SLC24A2: variants seen among roughly 807,000 people sequenced by gnomAD.
SLC24A2 encodes the protein solute carrier family 24 member 2.
SLC24A2 carries 36 observed loss-of-function variants against 62.0 expected under a neutral mutation model. That is an observed-to-expected ratio of 0.58 (90% CI 0.44 to 0.77). The LOEUF (loss-of-function observed/expected upper bound fraction) is 0.77. Ranked by LOEUF, SLC24A2 falls within the 30% of genes least tolerant of loss-of-function variation. SLC24A2 has a pLI of 0.00. For synonymous variants in SLC24A2, 358 were observed against 294.0 expected, an observed-to-expected ratio of 1.22 and a Z score of -2.23; for missense variants, 846 against 817.9, an observed-to-expected ratio of 1.03 and a Z score of -0.42.
chr9:19,720,062 G>T (rs1820976832), intron 2 of SLC24A2, among the ~76,000 whole-genome samples: 1 of 152,142 alleles, frequency 6.6e-6, no homozygotes, highest in South Asian at 2.1e-4. Flanking sequence ...CTAGGCTGGA[G>T]GTAAACCGGA....
intron 4 of SLC24A2, among the ~76,000 whole-genome samples, chr9:19,607,603 T>C (rs1429213080): frequency 6.7e-6 from 1 of 149,924 alleles, no homozygotes; most frequent in African/African-American, 2.5e-5. Context: ...CCTGTAATCA[T>C]AGCTACTTGA....
chr9:19,781,680 T>A (rs12003576), intron 2 of SLC24A2, among the ~76,000 whole-genome samples: 8,034 of 152,276 alleles, frequency 0.053, 687 homozygotes, highest in East Asian at 0.41. Context: ...AGAATTTTAA[T>A]GCCTAAGTTT....
intron 5 of SLC24A2, among the ~76,000 whole-genome samples, chr9:19,583,945 A>G (rs1266500772): frequency 6.6e-6 from 1 of 152,106 alleles, no homozygotes; most frequent in African/African-American, 2.4e-5. Flanking sequence ...GCCTAACTCA[A>G]TGTCCAACCT....
chr9:20,142,114 C>T, the SLC24A2 span, among the ~76,000 whole-genome samples: 2 of 151,800 alleles, frequency 1.3e-5, no homozygotes, highest in South Asian at 2.1e-4. Flanking sequence ...TTAAAGAGTT[C>T]GATGATGAAA....
the SLC24A2 span, among the ~76,000 whole-genome samples, chr9:20,132,999 T>C: frequency 6.6e-6 from 1 of 152,134 alleles, no homozygotes; most frequent in Non-Finnish European, 1.5e-5. Context: ...CCCCAGTTAA[T>C]GAACCAAATT....
chr9:20,235,165 C>CA, the SLC24A2 span, among the ~76,000 whole-genome samples: 1 of 152,208 alleles, frequency 6.6e-6, no homozygotes, highest in South Asian at 2.1e-4. Flanking sequence ...TTAGGCTACT[C>CA]GGGGGTCAGG....
chr9:19,529,622 C>T (rs777443593), intron 8 of SLC24A2, among the ~76,000 whole-genome samples: 5 of 152,038 alleles, frequency 3.3e-5, no homozygotes, highest in South Asian at 2.1e-4. Flanking sequence ...TTTCCCTGCT[C>T]CCTTTCTTTC....
chr9:20,243,975 G>T, the SLC24A2 span, among the ~76,000 whole-genome samples: 3 of 152,188 alleles, frequency 2.0e-5, no homozygotes, highest in South Asian at 6.2e-4. Context: ...GGGATCAGGC[G>T]GAGATTTCTA....
At chr9:19,783,656 T>C (rs1207933665) in intron 2 of SLC24A2, among the ~76,000 whole-genome samples, 1 of 152,154 alleles carries the variant, frequency 6.6e-6, no homozygotes, top group Non-Finnish European at 1.5e-5. Context: ...AGGCATATGA[T>C]AAAGGCTGTA....
At chr9:20,013,596 A>G in the SLC24A2 span, among the ~76,000 whole-genome samples, 1 of 152,234 alleles carries the variant, frequency 6.6e-6, no homozygotes, top group African/African-American at 2.4e-5. Context: ...TGCACAGTAA[A>G]GGAAACAATT....
chr9:20,095,126 G>GA, the SLC24A2 span, among the ~76,000 whole-genome samples: 2 of 152,016 alleles, frequency 1.3e-5, no homozygotes, highest in Non-Finnish European at 2.9e-5. Context: ...TTGCAAACTG[G>GA]AAAAAAATCC....
the SLC24A2 span, among the ~76,000 whole-genome samples, chr9:20,243,005 C>T: frequency 1.3e-5 from 2 of 152,220 alleles, no homozygotes; most frequent in African/African-American, 2.4e-5. Context: ...GGTGCCAAGA[C>T]CTTTCTTCAA....
the SLC24A2 span, among the ~76,000 whole-genome samples, chr9:20,255,879 A>G: frequency 6.6e-6 from 1 of 152,262 alleles, no homozygotes; most frequent in Admixed American, 6.5e-5. Flanking sequence ...CCGATTGTTT[A>G]TTGTCTTAGT....
At chr9:20,207,786 G>A in the SLC24A2 span, among the ~76,000 whole-genome samples, 18 of 152,218 alleles carry the variant, frequency 1.2e-4, no homozygotes. Flanking sequence ...AATGGGCACT[G>A]GGGATAACAA....
chr9:19,581,016 A>T (rs1563980502), intron 5 of SLC24A2, among the ~76,000 whole-genome samples: 1 of 152,186 alleles, frequency 6.6e-6, no homozygotes, highest in East Asian at 1.9e-4. Context: ...CATTGAAAGA[A>T]CTCTGTAAGT....
At chr9:20,204,180 G>C in the SLC24A2 span, among the ~76,000 whole-genome samples, 2 of 152,140 alleles carry the variant, frequency 1.3e-5, no homozygotes, top group African/African-American at 4.8e-5. Context: ...GCATTAACTA[G>C]AGAAACACAT....
chr9:19,962,538 T>C, the SLC24A2 span, among the ~76,000 whole-genome samples: 44 of 152,360 alleles, frequency 2.9e-4, no homozygotes, highest in Non-Finnish European at 5.0e-4. Context: ...TTTTATTTCA[T>C]TGAGCAGTGG....
At chr9:19,590,243 G>A (rs1049841761) in intron 5 of SLC24A2, among the ~76,000 whole-genome samples, 2 of 152,086 alleles carry the variant, frequency 1.3e-5, no homozygotes, top group African/African-American at 4.8e-5. Flanking sequence ...GAGCTTCCAC[G>A]TCATTCATCA....
In SLC24A2 at chr9:19,557,536, C is replaced by G. The variant is rs148734483; in HGVS notation, c.1348-7268G>C. Among the ~76,000 whole-genome samples, 5 of 152,286 alleles carry G rather than the reference C, an allele frequency of 3.3e-5. No homozygotes were observed. The East Asian group carries it at 9.7e-4, about 29-fold the overall frequency. On this transcript the variant is annotated intron_variant, in intron 7 of 10. Coordinates refer to ENST00000341998, the MANE Select transcript of SLC24A2 (RefSeq NM_020344.4). ...CTTTAATCATCCATGTGTAATTACCCTGTAGTGGTGTTGACTCAAAGCCTT... is the reference window on the plus strand; with the variant it reads ...CTTTAATCATCCATGTGTAATTACCGTGTAGTGGTGTTGACTCAAAGCCTT...
Sources: allele counts gnomAD v4.1 joint callset (sites outside exome capture counted in the v4.1 genomes callset), GRCh38; gene constraint gnomAD v4.1.1; transcripts MANE v1.5; gene names NCBI Gene and HGNC (gene_info 2026-07-23, HGNC 2026-07-21).